LUZP2: variants seen among roughly 807,000 people sequenced by gnomAD.
LUZP2 encodes leucine zipper protein 2.
In LUZP2, 52 loss-of-function variants were observed where a neutral mutation model predicts 51.6. The ratio of observed to expected loss-of-function variants is 1.01; its 90% CI spans 0.81 to 1.27. LUZP2 has a LOEUF of 1.27. LUZP2 is among the 50% of genes most tolerant of loss of function. LUZP2 has a pLI of 0.00. For missense variants in LUZP2, 436 were observed against 395.4 expected, an observed-to-expected ratio of 1.10 and a Z score of -0.87; for synonymous variants, 154 against 137.3, an observed-to-expected ratio of 1.12 and a Z score of -0.85.
At chr11:24,686,115 C>G (rs746583952) in intron 1 of LUZP2, among the ~76,000 whole-genome samples, 4 of 151,670 alleles carry the variant, frequency 2.6e-5, no homozygotes, top group Non-Finnish European at 5.9e-5. Context: ...TGGGGAAATT[C>G]TATCTTAAGC....
chr11:24,952,201 C>T (rs999327652), intron 7 of LUZP2, among the ~76,000 whole-genome samples: 3 of 151,522 alleles, frequency 2.0e-5, no homozygotes, highest in East Asian at 3.9e-4. Context: ...TCATCGCCAT[C>T]GTTATTTTTC....
At chr11:24,564,064 C>T (rs1852141469) in intron 1 of LUZP2, among the ~76,000 whole-genome samples, 1 of 152,100 alleles carries the variant, frequency 6.6e-6, no homozygotes, top group Non-Finnish European at 1.5e-5. Flanking sequence ...GTTCACTGAA[C>T]TGCCCCATTA....
chr11:24,764,990 G>A (rs11028149), intron 5 of LUZP2, among the ~76,000 whole-genome samples: 11,264 of 152,096 alleles, frequency 0.074, 842 homozygotes, highest in East Asian at 0.41. Context: ...TGCTAAATAT[G>A]AGTTTTATAA....
rs562973238 is a variant in LUZP2, at chr11:24,637,534, C to T, written c.63-91635C>T. Among the ~76,000 whole-genome samples the T allele has an allele frequency of 5.3e-5, 8 of 151,864 alleles. No homozygotes were observed. In the South Asian group the frequency reaches 6.2e-4, roughly 12 times the overall value. On this transcript the variant is annotated intron_variant, in intron 1 of 11. Transcript: ENST00000336930. Reference sequence around the variant, plus strand: ...GCCATATTTTTCTCCTTGCAGAAAGCGAGTAGGAGAGATATTGCTGAATTC... The same window carrying T: ...GCCATATTTTTCTCCTTGCAGAAAGTGAGTAGGAGAGATATTGCTGAATTC...
chr11:24,610,919 T>C (rs1455055164), intron 1 of LUZP2, among the ~76,000 whole-genome samples: 1 of 152,194 alleles, frequency 6.6e-6, no homozygotes, highest in African/African-American at 2.4e-5. Flanking sequence ...CACTCCAGCA[T>C]GGGCTAGGAA....
At chr11:24,790,854 A>G (rs756128420) in intron 5 of LUZP2, among the ~76,000 whole-genome samples, 1 of 152,092 alleles carries the variant, frequency 6.6e-6, no homozygotes, top group Admixed American at 6.6e-5. Context: ...TTAGCTATTT[A>G]TTGTTCAAGT....
At chr11:25,043,662 G>A (rs1301719277) in intron 9 of LUZP2, among the ~76,000 whole-genome samples, 1 of 148,090 alleles carries the variant, frequency 6.8e-6, no homozygotes, top group Non-Finnish European at 1.5e-5. Context: ...CCTAGCTCTT[G>A]ATTATATTTC....
At chr11:24,606,947 A>G (rs1277568390) in intron 1 of LUZP2, among the ~76,000 whole-genome samples, 1 of 152,016 alleles carries the variant, frequency 6.6e-6, no homozygotes, top group Non-Finnish European at 1.5e-5. Context: ...ATGTTTTCCT[A>G]CGAAAAATTT....
intron 8 of LUZP2, among the ~76,000 whole-genome samples, chr11:24,979,674 G>GT (rs1855974104): frequency 6.6e-6 from 1 of 151,740 alleles, no homozygotes; most frequent in Non-Finnish European, 1.5e-5. Context: ...TTATTTGGCA[G>GT]TATCTTATGA....
intron 5 of LUZP2, among the ~76,000 whole-genome samples, chr11:24,801,954 C>G (rs1185287624): frequency 6.6e-6 from 1 of 151,252 alleles, no homozygotes; most frequent in Non-Finnish European, 1.5e-5. Flanking sequence ...TATGTATGTA[C>G]AAAGAGTACA....
At chr11:24,605,281 A>G (rs1003957356) in intron 1 of LUZP2, among the ~76,000 whole-genome samples, 1 of 151,816 alleles carries the variant, frequency 6.6e-6, no homozygotes, top group African/African-American at 2.4e-5. Context: ...TTAAAAGTAA[A>G]CATGTCCTCT....
chr11:24,865,710 GTATATA>G (rs373154788), intron 5 of LUZP2, among the ~76,000 whole-genome samples: 1 of 65,860 alleles, frequency 1.5e-5, no homozygotes, highest in South Asian at 6.9e-4. Context: ...ATATGTTTGT[GTATATA>G]TATATATATA....
chr11:24,614,081 A>G lies in LUZP2; in HGVS notation c.63-115088A>G, dbSNP rs549767968. 2.6e-5 allele frequency among the ~76,000 whole-genome samples: 4 copies of G among 152,132 alleles called. No individual in the cohort carries two copies. The South Asian group carries it at 8.3e-4, about 32-fold the overall frequency. ...CCAGTACCATAGCACTTGTCGTATG[A>G]TTGACTTAATAAATCATAATAGATG... On this transcript the variant is annotated intron_variant, in intron 1 of 11. Coordinates refer to ENST00000336930, the MANE Select transcript of LUZP2 (RefSeq NM_001009909.4).
intron 1 of LUZP2, among the ~76,000 whole-genome samples, chr11:24,609,821 A>C (rs749744016): frequency 7.2e-5 from 11 of 152,030 alleles, no homozygotes; most frequent in Admixed American, 3.9e-4. Context: ...TCATCAGAGA[A>C]CTAAGGAAAA....
At chr11:24,580,623 C>T (rs957814624) in intron 1 of LUZP2, among the ~76,000 whole-genome samples, 1 of 151,974 alleles carries the variant, frequency 6.6e-6, no homozygotes, top group African/African-American at 2.4e-5. Flanking sequence ...TTAAAATGAG[C>T]TCAGTAATAA....
At chr11:24,668,079 G>C (rs1019515905) in intron 1 of LUZP2, among the ~76,000 whole-genome samples, 15 of 152,166 alleles carry the variant, frequency 9.9e-5, no homozygotes, top group Non-Finnish European at 2.2e-4. Context: ...GTCCTCAAAA[G>C]TTCACAGTGC....
At chr11:24,827,132 T>C (rs555483460) in intron 5 of LUZP2, among the ~76,000 whole-genome samples, 1 of 152,202 alleles carries the variant, frequency 6.6e-6, no homozygotes, top group Non-Finnish European at 1.5e-5. Context: ...ATGTATAAGA[T>C]TGAATGGCCA....
intron 5 of LUZP2, among the ~76,000 whole-genome samples, chr11:24,860,262 C>A (rs7130912): frequency 0.014 from 2,115 of 152,142 alleles, 57 homozygotes; most frequent in African/African-American, 0.047. Flanking sequence ...CTCGAGTAAC[C>A]CCAGGCAGAG....
chr11:24,934,360 T>C (rs1854535962), intron 7 of LUZP2, among the ~76,000 whole-genome samples: 1 of 152,204 alleles, frequency 6.6e-6, no homozygotes, highest in Non-Finnish European at 1.5e-5. Flanking sequence ...CATTTAGGTA[T>C]TGATAAAAGG....
Sources: gnomAD v4.1 joint callset for allele counts (sites outside exome capture counted in the v4.1 genomes callset) on GRCh38, gnomAD v4.1.1 for gene constraint, MANE v1.5 for transcripts, NCBI Gene and HGNC (gene_info 2026-07-23, HGNC 2026-07-21) for gene names.